The following DGKB variants were observed in gnomAD, a reference collection of about 807,000 sequenced individuals.
The protein encoded by DGKB is diacylglycerol kinase beta.
In DGKB, 67 loss-of-function variants were observed where a neutral mutation model predicts 114.3. The observed-to-expected ratio is 0.59, with a 90% CI of 0.48 to 0.72. The LOEUF (loss-of-function observed/expected upper bound fraction) is 0.72, where lower values mean the gene tolerates loss of function less well. DGKB is among the 30% of genes least tolerant of loss of function. The pLI is 0.00. For missense variants in DGKB, 907 were observed against 975.2 expected (o/e 0.93, Z 0.93); for synonymous variants, 398 against 323.1 (o/e 1.23, Z -2.49).
chr7:14,188,659 C>CAAAAAAAAA (rs35808078), intron 23 of DGKB, among the ~76,000 whole-genome samples: 14 of 34,096 alleles, frequency 4.1e-4, no homozygotes, highest in African/African-American at 1.1e-3. Context: ...GACTCCGTCT[C>CAAAAAAAAA]AAAAAAAAAA....
At chr7:14,262,050 ATTT>A (rs1198231296) in intron 23 of DGKB, among the ~76,000 whole-genome samples, 1 of 152,212 alleles carries the variant, frequency 6.6e-6, no homozygotes, top group East Asian at 1.9e-4. Context: ...AAGAAGATGT[ATTT>A]ATCCTATCTT....
rs1434975413 is a variant in DGKB, at chr7:14,279,486, G to C, written c.2122+59029C>G. Among the ~76,000 whole-genome samples, 4 of 152,324 alleles carry C rather than the reference G, an allele frequency of 2.6e-5. No individual in the cohort carries two copies. The East Asian group carries it at 7.8e-4, about 30-fold the overall frequency. On this transcript the variant is annotated intron_variant, in intron 23 of 25. Transcript: ENST00000402815. ...TCTGCAGACTTAAATGTCCCTGTCT[G>C]ACAGCTTTGGAGAGAGCGGTGGTTC... is the stretch of plus-strand genomic sequence containing the variant.
intron 13 of DGKB, among the ~76,000 whole-genome samples, chr7:14,662,620 T>C (rs1445440315): frequency 6.6e-6 from 1 of 151,940 alleles, no homozygotes; most frequent in Non-Finnish European, 1.5e-5. Context: ...ACTTCTTTAC[T>C]TAATGAGATT....
At chr7:14,652,249 A>G (rs1814701436) in intron 13 of DGKB, among the ~76,000 whole-genome samples, 1 of 152,078 alleles carries the variant, frequency 6.6e-6, no homozygotes, top group Non-Finnish European at 1.5e-5. Flanking sequence ...ACTTCAAACT[A>G]TACTACAAGT....
intron 4 of DGKB, among the ~76,000 whole-genome samples, chr7:14,741,964 GA>G (rs1292021358): frequency 2.6e-5 from 4 of 152,108 alleles, no homozygotes; most frequent in Non-Finnish European, 5.9e-5. Context: ...GTTTTTCTGA[GA>G]AAGGTTTTTT....
chr7:14,890,565 G>A (rs1781040902), intron 1 of DGKB, among the ~76,000 whole-genome samples: 1 of 151,328 alleles, frequency 6.6e-6, no homozygotes, highest in African/African-American at 2.4e-5. Flanking sequence ...TCTTTAATAA[G>A]CATTTCTCCA....
intron 20 of DGKB, among the ~76,000 whole-genome samples, chr7:14,541,570 T>A (rs1296055200): frequency 1.3e-5 from 2 of 152,200 alleles, no homozygotes; most frequent in African/African-American, 4.8e-5. Flanking sequence ...ACATAGGTCA[T>A]ATTTAGAAAC....
At chr7:14,780,548 T>C (rs1476404053) in intron 2 of DGKB, among the ~76,000 whole-genome samples, 1 of 152,150 alleles carries the variant, frequency 6.6e-6, no homozygotes, top group African/African-American at 2.4e-5. Flanking sequence ...GTAAATTCCA[T>C]TTTCTTATTC....
chr7:14,369,879 T>C (rs1269860049), intron 21 of DGKB, among the ~76,000 whole-genome samples: 1 of 151,982 alleles, frequency 6.6e-6, no homozygotes, highest in African/African-American at 2.4e-5. Flanking sequence ...ATTATGTAAA[T>C]GCACACATAT....
chr7:14,775,259 A>G (rs1244521997), intron 2 of DGKB, among the ~76,000 whole-genome samples: 1 of 151,730 alleles, frequency 6.6e-6, no homozygotes, highest in Non-Finnish European at 1.5e-5. Context: ...TTGAATGGTA[A>G]TTCTTTTATA....
At chr7:14,593,284 A>G (rs1322451742) in intron 17 of DGKB, among the ~76,000 whole-genome samples, 1 of 152,066 alleles carries the variant, frequency 6.6e-6, no homozygotes, top group Non-Finnish European at 1.5e-5. Flanking sequence ...AAATGAGAGA[A>G]TATTTATTCC....
chr7:14,511,790 G>A (rs1251960794), intron 20 of DGKB, among the ~76,000 whole-genome samples: 1 of 152,054 alleles, frequency 6.6e-6, no homozygotes, highest in African/African-American at 2.4e-5. Context: ...TAGAGGCCAC[G>A]GTAGGGTTAT....
intron 21 of DGKB, among the ~76,000 whole-genome samples, chr7:14,405,054 T>C (rs1823725521): frequency 6.6e-6 from 1 of 151,720 alleles, no homozygotes; most frequent in South Asian, 2.1e-4. Context: ...GATACTAGAT[T>C]CCACCATTTA....
chr7:14,164,872 T>C (rs111789498), intron 25 of DGKB, among the ~76,000 whole-genome samples: 1 of 152,160 alleles, frequency 6.6e-6, no homozygotes, highest in African/African-American at 2.4e-5. Flanking sequence ...TAATTAATGC[T>C]TTCTTAATAT....
At chr7:14,201,677 TG>T (rs1785913790) in intron 23 of DGKB, among the ~76,000 whole-genome samples, 1 of 151,986 alleles carries the variant, frequency 6.6e-6, no homozygotes, top group East Asian at 1.9e-4. Context: ...TGATTTTGCA[TG>T]TGCTGGTATT....
chr7:14,558,579 A>T (rs1303359552), intron 20 of DGKB, among the ~76,000 whole-genome samples: 1 of 152,144 alleles, frequency 6.6e-6, no homozygotes, highest in African/African-American at 2.4e-5. Flanking sequence ...CACATGTGTA[A>T]TTGATTTTAA....
chr7:14,231,081 C>CCCTTTCTTTCTCT (rs1791667656), intron 23 of DGKB, among the ~76,000 whole-genome samples: 2 of 135,282 alleles, frequency 1.5e-5, no homozygotes. Flanking sequence ...TTTCTTCTTT[C>CCCTTTCTTTCTCT]CCTTTCTTTC....
chr7:14,566,983 G>A (rs1182122177), intron 20 of DGKB, among the ~76,000 whole-genome samples: 1 of 147,126 alleles, frequency 6.8e-6, no homozygotes, highest in Non-Finnish European at 1.5e-5. Context: ...TTTCAAAAAT[G>A]TTGTATTTGT....
chr7:14,590,095 G>A (rs1401422306), intron 17 of DGKB, among the ~76,000 whole-genome samples: 2 of 151,156 alleles, frequency 1.3e-5, no homozygotes, highest in African/African-American at 2.4e-5. Flanking sequence ...CACCAGCATG[G>A]CACATGTATA....
Sources: allele counts gnomAD v4.1 joint callset (sites outside exome capture counted in the v4.1 genomes callset), GRCh38; gene constraint gnomAD v4.1.1; transcripts MANE v1.5; gene names NCBI Gene and HGNC (gene_info 2026-07-23, HGNC 2026-07-21).